NR3C2: variants seen among roughly 807,000 people sequenced by gnomAD.
NR3C2 encodes the protein nuclear receptor subfamily 3 group C member 2.
A neutral mutation model predicts 86.4 loss-of-function variants in NR3C2; 15 were observed. The observed-to-expected ratio is 0.17, with a 90% CI of 0.12 to 0.27. The LOEUF (loss-of-function observed/expected upper bound fraction) is 0.27. NR3C2 is among the 10% of genes least tolerant of loss of function. The probability of loss-of-function intolerance (pLI) is 1.00; values close to 1 mark genes in which losing one functional copy is unlikely to be tolerated. For missense variants in NR3C2, 960 were observed against 1,195.6 expected, an observed-to-expected ratio of 0.80 and a Z score of 2.91; for synonymous variants, 458 against 450.5, an observed-to-expected ratio of 1.02 and a Z score of -0.21.
At chr4:148,347,827 A>G (rs953685166) in intron 2 of NR3C2, among the ~76,000 whole-genome samples, 3 of 151,932 alleles carry the variant, frequency 2.0e-5, no homozygotes, top group Admixed American at 2.0e-4. Flanking sequence ...GCACCACTGT[A>G]GCAGCGGTGG....
chr4:148,119,267 G>A (rs1307348243), intron 7 of NR3C2, among the ~76,000 whole-genome samples: 1 of 152,146 alleles, frequency 6.6e-6, no homozygotes, highest in Non-Finnish European at 1.5e-5. Flanking sequence ...TTCCCGCTAA[G>A]TGTTGTTACT....
chr4:148,281,098 C>A (rs1222539790), intron 2 of NR3C2, among the ~76,000 whole-genome samples: 1 of 152,166 alleles, frequency 6.6e-6, no homozygotes, highest in Non-Finnish European at 1.5e-5. Context: ...AGACTTCATT[C>A]TTTTTCCCCA....
chr4:148,234,508 T>A (rs1738639225), intron 3 of NR3C2, among the ~76,000 whole-genome samples: 1 of 151,966 alleles, frequency 6.6e-6, no homozygotes, highest in Non-Finnish European at 1.5e-5. Flanking sequence ...CGTATTTGTA[T>A]TTTTTGTACT....
chr4:148,291,338 T>G (rs1561022758), intron 2 of NR3C2, among the ~76,000 whole-genome samples: 1 of 152,096 alleles, frequency 6.6e-6, no homozygotes, highest in Admixed American at 6.5e-5. Flanking sequence ...ATGAATGACA[T>G]CACAAATTTA....
intron 2 of NR3C2, among the ~76,000 whole-genome samples, chr4:148,281,574 T>C (rs962432509): frequency 6.6e-6 from 1 of 152,238 alleles, no homozygotes; most frequent in African/African-American, 2.4e-5. Flanking sequence ...TCCTAAGATA[T>C]ACCCTGTACT....
At chr4:148,365,111 T>C (rs1045923789) in intron 2 of NR3C2, among the ~76,000 whole-genome samples, 10 of 152,212 alleles carry the variant, frequency 6.6e-5, no homozygotes, top group African/African-American at 2.4e-4. Context: ...AGCAATCCTT[T>C]TCTTAACACT....
intron 6 of NR3C2, chr4:148,146,378 T>G (rs1437907218): frequency 6.5e-6 from 1 of 152,704 alleles, no homozygotes; most frequent in African/African-American, 2.4e-5. Flanking sequence ...GGACAGACTT[T>G]GGAACACACA....
Position 148,384,202 on chromosome 4 carries a change from TATAA to T in NR3C2, c.1757+50898_1757+50901del, listed in dbSNP as rs548865357. Among the ~76,000 whole-genome samples, 15 of 152,156 alleles carry T rather than the reference TATAA, an allele frequency of 9.9e-5. No homozygotes were observed. The South Asian group carries it at 3.1e-3, about 32-fold the overall frequency. Reference sequence around the variant, plus strand: ...TCTATTACCAAAAATATTTTTAAATTATAAATATTTTCTATACAGTAATAGGAAC... The same window carrying T: ...TCTATTACCAAAAATATTTTTAAATTATATTTTCTATACAGTAATAGGAAC... On this transcript the variant is annotated intron_variant, in intron 2 of 8. Coordinates refer to ENST00000358102, the MANE Select transcript of NR3C2 (RefSeq NM_000901.5).
chr4:148,278,781 T>C (rs1469880638), intron 2 of NR3C2, among the ~76,000 whole-genome samples: 2 of 152,000 alleles, frequency 1.3e-5, no homozygotes, highest in African/African-American at 4.8e-5. Flanking sequence ...CGTTAACATA[T>C]GCAGACTACT....
At chr4:148,268,883 T>G (rs1472084678) in intron 2 of NR3C2, among the ~76,000 whole-genome samples, 1 of 151,474 alleles carries the variant, frequency 6.6e-6, no homozygotes, top group Non-Finnish European at 1.5e-5. Context: ...TACAATTAAG[T>G]GACTGATTAC....
intron 2 of NR3C2, among the ~76,000 whole-genome samples, chr4:148,329,374 C>T (rs1173401065): frequency 6.6e-6 from 1 of 152,044 alleles, no homozygotes; most frequent in African/African-American, 2.4e-5. Flanking sequence ...ATACACAATG[C>T]ACTTAAGCCC....
chr4:148,220,653 T>C (rs1210741352), intron 3 of NR3C2, among the ~76,000 whole-genome samples: 1 of 152,074 alleles, frequency 6.6e-6, no homozygotes, highest in Non-Finnish European at 1.5e-5. Context: ...AATTAAAAAT[T>C]AGCCAGGTGA....
In NR3C2 at chr4:148,315,754, G is replaced by A. The variant is rs768542221; in HGVS notation, c.1758-55637C>T. ...AAAGAATTTTGGAAATTTCCTTTAG[G>A]GGCCTTATATGAATCAATCACTACA... is the stretch of plus-strand genomic sequence containing the variant. On this transcript the variant is annotated intron_variant, in intron 2 of 8. Coordinates refer to ENST00000358102, the MANE Select transcript of NR3C2 (RefSeq NM_000901.5). 4.6e-5 allele frequency among the ~76,000 whole-genome samples: 7 copies of A among 152,022 alleles called. No homozygotes were observed. In the East Asian group the frequency reaches 1.4e-3, roughly 29 times the overall value.
Position 148,437,128 on chromosome 4 carries a change from T to G in NR3C2, c.-2-266A>C, listed in dbSNP as rs563129689. 5.3e-5 allele frequency among the ~76,000 whole-genome samples: 8 copies of G among 152,356 alleles called. No homozygotes were observed. The East Asian group carries it at 1.5e-3, about 29-fold the overall frequency. ...GTAACATGTTTGCTATAATACAGTC[T>G]TTAGAGTCTGCAAAAAATATTTACA... On this transcript the variant is annotated intron_variant, in intron 1 of 8. Coordinates refer to ENST00000358102, the MANE Select transcript of NR3C2 (RefSeq NM_000901.5).
intron 2 of NR3C2, among the ~76,000 whole-genome samples, chr4:148,432,740 AGAGACTAAGGAT>A (rs1318393859): frequency 6.6e-6 from 1 of 152,166 alleles, no homozygotes; most frequent in Admixed American, 6.5e-5. Flanking sequence ...GTTCAAAATA[AGAGACTAAGGAT>A]GATACTTGGA....
intron 2 of NR3C2, among the ~76,000 whole-genome samples, chr4:148,414,919 A>C (rs866954864): frequency 6.6e-6 from 1 of 152,218 alleles, no homozygotes; most frequent in Non-Finnish European, 1.5e-5. Flanking sequence ...CAAACCATGA[A>C]GTTATTAACA....
At chr4:148,398,183 C>CA (rs1315847551) in intron 2 of NR3C2, among the ~76,000 whole-genome samples, 2 of 152,168 alleles carry the variant, frequency 1.3e-5, no homozygotes, top group African/African-American at 2.4e-5. Context: ...ATTACATGTG[C>CA]AAAAACCCTA....
intron 2 of NR3C2, among the ~76,000 whole-genome samples, chr4:148,349,375 A>C (rs905131064): frequency 1.3e-5 from 2 of 152,028 alleles, no homozygotes; most frequent in African/African-American, 4.8e-5. Flanking sequence ...TTGTACTATA[A>C]CCTGGGTCTG....
intron 6 of NR3C2, among the ~76,000 whole-genome samples, chr4:148,138,586 G>A (rs533027639): frequency 2.6e-5 from 4 of 152,124 alleles, no homozygotes; most frequent in Non-Finnish European, 4.4e-5. Flanking sequence ...GTTTTGCCAT[G>A]TTCCCTAGGC....
Sources: allele counts gnomAD v4.1 joint callset (sites outside exome capture counted in the v4.1 genomes callset), GRCh38; gene constraint gnomAD v4.1.1; transcripts MANE v1.5; gene names NCBI Gene and HGNC (gene_info 2026-07-23, HGNC 2026-07-21).